MYO6: variants seen among roughly 807,000 people sequenced by gnomAD.
MYO6 encodes unconventional myosin-VI.
In MYO6, 74 loss-of-function variants were observed where a neutral mutation model predicts 178.7. That is an observed-to-expected ratio of 0.41 (90% confidence interval 0.34 to 0.50). The LOEUF is 0.50. MYO6 is among the 20% of genes least tolerant of loss of function. MYO6 has a pLI of 0.09. For missense variants in MYO6, 1,330 were observed against 1,547.4 expected (o/e 0.86, Z 2.36); for synonymous variants, 477 against 504.6 (o/e 0.95, Z 0.73).
At chr6:75,765,600 T>A (rs1778348178) in intron 1 of MYO6, among the ~76,000 whole-genome samples, 2 of 151,818 alleles carry the variant, frequency 1.3e-5, no homozygotes, top group Admixed American at 1.3e-4. Context: ...AAAAAAAAAA[T>A]TACCAGAAGT....
intron 22 of MYO6, among the ~76,000 whole-genome samples, chr6:75,880,971 G>T (rs1049986114): frequency 4.6e-5 from 7 of 152,230 alleles, no homozygotes; most frequent in African/African-American, 1.7e-4. Context: ...GGAAATGGGG[G>T]TTGGGCGCTG....
intron 12 of MYO6, 61 bp downstream of exon 12, chr6:75,855,344 A>T: frequency 1.3e-6 from 2 of 1,533,028 alleles, no homozygotes; most frequent in South Asian, 2.3e-5. Flanking sequence ...AAGGAAAAAC[A>T]TAAGTTACAT....
intron 12 of MYO6, among the ~76,000 whole-genome samples, chr6:75,856,771 T>A (rs1234981929): frequency 1.3e-5 from 2 of 152,192 alleles, no homozygotes; most frequent in Non-Finnish European, 2.9e-5. Flanking sequence ...TTAAACACTG[T>A]TTCCTTTGCA....
intron 2 of MYO6, among the ~76,000 whole-genome samples, chr6:75,820,162 G>T (rs150665957): frequency 6.6e-6 from 1 of 152,286 alleles, no homozygotes; most frequent in Non-Finnish European, 1.5e-5. Flanking sequence ...GGCATAGAAG[G>T]GTCTGCATTT....
At chr6:75,791,503 T>C (rs1768246609) in intron 1 of MYO6, among the ~76,000 whole-genome samples, 1 of 152,178 alleles carries the variant, frequency 6.6e-6, no homozygotes, top group Non-Finnish European at 1.5e-5. Context: ...AATGTAATAA[T>C]ATGTGCTATT....
rs904563188 is a variant in MYO6, at chr6:75,858,046, T to C, written c.1381+792T>C. 3.3e-5 allele frequency among the ~76,000 whole-genome samples: 5 copies of C among 150,952 alleles called. No homozygotes were observed. The East Asian group carries it at 9.6e-4, about 29-fold the overall frequency. On this transcript the variant is annotated intron_variant, in intron 13 of 34. Coordinates refer to ENST00000369977, the MANE Select transcript of MYO6 (RefSeq NM_004999.4). ...AAACTTTATAATTCTCTACCTTTTG[T>C]TCAAAGGTAGAGAATTATTATTATT...
At chr6:75,820,647 A>G (rs532485534) in intron 2 of MYO6, among the ~76,000 whole-genome samples, 11 of 152,270 alleles carry the variant, frequency 7.2e-5, no homozygotes, top group African/African-American at 2.6e-4. Flanking sequence ...CAGGGACTAC[A>G]GGTGTGAGCC....
intron 16 of MYO6, among the ~76,000 whole-genome samples, chr6:75,864,027 A>G (rs1468761797): frequency 6.6e-6 from 1 of 152,162 alleles, no homozygotes; most frequent in Non-Finnish European, 1.5e-5. Flanking sequence ...GTCAGTTTCG[A>G]CCACAAAGAT....
chr6:75,865,353 G>GTTTTTTT (rs1476460446), intron 16 of MYO6: 1 of 87,824 alleles, frequency 1.1e-5, no homozygotes, highest in African/African-American at 3.9e-5. Context: ...TTTAAATGAT[G>GTTTTTTT]TCTTTTTTTT....
intron 2 of MYO6, among the ~76,000 whole-genome samples, chr6:75,822,255 G>A (rs190084180): frequency 1.6e-4 from 25 of 151,978 alleles, no homozygotes; most frequent in Admixed American, 3.9e-4. Flanking sequence ...GCTGCATCAC[G>A]CCTGGCTAAT....
rs1184250261 is a variant in MYO6, at chr6:75,907,849, T to C, written c.3280+141T>C. 4 of 691,386 alleles carry C rather than the reference T, an allele frequency of 5.8e-6. No individual in the cohort carries two copies. In the East Asian group the frequency reaches 1.1e-4, roughly 19 times the overall value. 42.8% of individuals were successfully genotyped at this position (691,386 alleles called of 1,614,324 possible). On this transcript the variant is annotated intron_variant, in intron 31 of 34. Transcript: ENST00000369977. ...GTATGTACATATAATACCTATATTA[T>C]CTGAATCTTTTGGTCCATGAATGCA... is the stretch of plus-strand genomic sequence containing the variant.
At chr6:75,808,910 A>G (rs1770384726) in intron 1 of MYO6, among the ~76,000 whole-genome samples, 1 of 152,170 alleles carries the variant, frequency 6.6e-6, no homozygotes, top group South Asian at 2.1e-4. Context: ...ATAAGAGACA[A>G]ACTATTGCAT....
At position 75,840,886 on chromosome 6, in the gene MYO6, G is replaced by C. The variant is rs1183036362; in HGVS notation, c.651+204G>C. The stretch of plus-strand genomic sequence containing the variant: ...AACCCAGATGCTGAATTTGACTTCA[G>C]CATTGAGTATTACTGTATAGCTAGT... On this transcript the variant is annotated intron_variant, in intron 8 of 34. Coordinates refer to ENST00000369977, the MANE Select transcript of MYO6 (RefSeq NM_004999.4). 2.0e-5 allele frequency among the ~76,000 whole-genome samples: 3 copies of C among 152,300 alleles called. No individual in the cohort carries two copies. The East Asian group carries it at 5.8e-4, about 29-fold the overall frequency.
chr6:75,861,262 A>T (rs1234504473), intron 15 of MYO6, among the ~76,000 whole-genome samples, 167 bp downstream of exon 15: 1 of 152,204 alleles, frequency 6.6e-6, no homozygotes, highest in Non-Finnish European at 1.5e-5. Flanking sequence ...TTTTCCACCA[A>T]GACTTCAAAG....
At chr6:75,760,035 C>CT (rs1332860645) in intron 1 of MYO6, among the ~76,000 whole-genome samples, 1 of 152,148 alleles carries the variant, frequency 6.6e-6, no homozygotes, top group Non-Finnish European at 1.5e-5. Flanking sequence ...TTTCGCTTTT[C>CT]TGGAATTTAT....
chr6:75,835,897 A>G lies in MYO6; in HGVS notation c.498-4A>G. On this transcript the variant is annotated splice_polypyrimidine_tract_variant and splice_region_variant and intron_variant, in intron 6 of 34. Transcript: ENST00000369977. ...CAACATTTTTTATCCTATATTTTAA[A>G]CAGATACCTGACTGAATCCTATGGA... is the stretch of plus-strand genomic sequence containing the variant. The G allele has an allele frequency of 1.3e-6, 2 of 1,571,432 alleles. No homozygotes were observed. The highest frequency in any genetic ancestry group is 4.5e-5 in the East Asian group (2 of 44,616).
intron 1 of MYO6, among the ~76,000 whole-genome samples, chr6:75,787,676 TTCTCTCTCTCTCTCTCTCTCTCTC>T (rs765565236): frequency 1.4e-3 from 36 of 25,004 alleles, no homozygotes; most frequent in East Asian, 3.3e-3. Context: ...AATGGAACTA[TTCTCTCTCTCTCTCTCTCTCTCTC>T]TCTCTCTCTC....
In MYO6 at chr6:75,901,129, T is replaced by G. The variant is rs189655524; in HGVS notation, c.3176+2718T>G. On this transcript the variant is annotated intron_variant, in intron 30 of 34. Transcript: ENST00000369977. ...GGTACCAGTAGCATGCTGTTATGGT[T>G]ACTGTAGCCTTGTAGTATAGTTTGA... 1.0e-3 allele frequency among the ~76,000 whole-genome samples: 153 copies of G among 152,342 alleles called. 1 individual carries two copies. Among genetic ancestry groups the G allele is most frequent in the African/African-American group, 3.5e-3 (145 of 41,566 alleles).
chr6:75,861,445 C>G (rs1776208248), intron 15 of MYO6, among the ~76,000 whole-genome samples: 1 of 152,154 alleles, frequency 6.6e-6, no homozygotes, highest in African/African-American at 2.4e-5. Flanking sequence ...GCAAGTTTGT[C>G]AGGGTTTGCC....
Sources: allele counts gnomAD v4.1 joint callset (sites outside exome capture counted in the v4.1 genomes callset), GRCh38; gene constraint gnomAD v4.1.1; transcripts MANE v1.5; gene names NCBI Gene and HGNC (gene_info 2026-07-23, HGNC 2026-07-21).